RGS6: variants seen among roughly 807,000 people sequenced by gnomAD.
The protein encoded by RGS6 is regulator of G protein signaling 6.
Under a neutral mutation model 78.5 loss-of-function variants are expected in RGS6, and 30 were observed. That is an observed-to-expected ratio of 0.38 (90% CI 0.29 to 0.52). The LOEUF is 0.52. RGS6 is among the 20% of genes least tolerant of loss of function. RGS6 has a pLI of 0.85. For missense variants in RGS6, 495 were observed against 609.7 expected, an observed-to-expected ratio of 0.81 and a Z score of 1.98; for synonymous variants, 206 against 206.0, an observed-to-expected ratio of 1.00 and a Z score of 0.00.
intron 2 of RGS6, among the ~76,000 whole-genome samples, chr14:72,184,412 A>ACACACACAC (rs2097212648): frequency 6.6e-6 from 1 of 150,784 alleles, no homozygotes; most frequent in African/African-American, 2.4e-5. Flanking sequence ...ACACACACAC[A>ACACACACAC]GAAAGAGGGA....
intron 15 of RGS6, among the ~76,000 whole-genome samples, chr14:72,525,742 CCA>C (rs1488160614): frequency 6.6e-6 from 1 of 152,180 alleles, no homozygotes; most frequent in Non-Finnish European, 1.5e-5. Context: ...TATCACAAGA[CCA>C]CACCAAGTTT....
At chr14:72,006,573 G>A in intron 2 of RGS6, among the ~76,000 whole-genome samples, 1 of 152,192 alleles carries the variant, frequency 6.6e-6, no homozygotes, top group East Asian at 1.9e-4. Flanking sequence ...AGTGAGCTTT[G>A]AAGCAGATCC....
At chr14:72,434,030 C>T (rs533506780) in intron 3 of RGS6, among the ~76,000 whole-genome samples, 17 of 152,224 alleles carry the variant, frequency 1.1e-4, no homozygotes, top group Non-Finnish European at 2.2e-4. Context: ...CAAATTCCAA[C>T]GTGTCCGTTA....
At chr14:72,318,833 T>G (rs1025221632) in intron 2 of RGS6, among the ~76,000 whole-genome samples, 4 of 152,138 alleles carry the variant, frequency 2.6e-5, no homozygotes, top group Non-Finnish European at 5.9e-5. Flanking sequence ...GAAAGGGAAA[T>G]GCACAGTCAT....
intron 2 of RGS6, among the ~76,000 whole-genome samples, chr14:72,068,303 T>G (rs2094252027): frequency 6.6e-6 from 1 of 151,380 alleles, no homozygotes; most frequent in African/African-American, 2.4e-5. Flanking sequence ...CCTAGCTAAT[T>G]TTTGTATTTT....
chr14:71,928,156 T>G (rs2087746145), upstream of RGS6, among the ~76,000 whole-genome samples: 8 of 152,168 alleles, frequency 5.3e-5, no homozygotes, highest in Admixed American at 4.6e-4. Context: ...CTGCATCTGG[T>G]TGTTCAAGAC....
the RGS6 span, among the ~76,000 whole-genome samples, chr14:71,915,267 A>G: frequency 7.9e-5 from 12 of 152,072 alleles, no homozygotes; most frequent in Non-Finnish European, 1.6e-4. Context: ...AAAAAAAAAA[A>G]AGAAAAAGTT....
At chr14:72,226,412 G>T (rs578147646) in intron 2 of RGS6, among the ~76,000 whole-genome samples, 1 of 152,270 alleles carries the variant, frequency 6.6e-6, no homozygotes, top group African/African-American at 2.4e-5. Context: ...TATCTAACTA[G>T]CTAAACTGTG....
chr14:72,502,822 T>C (rs914952541), intron 13 of RGS6, among the ~76,000 whole-genome samples: 15 of 152,156 alleles, frequency 9.9e-5, no homozygotes, highest in Admixed American at 5.9e-4. Context: ...CATTGGAGTA[T>C]TCAGGACCCT....
intron 2 of RGS6, among the ~76,000 whole-genome samples, chr14:72,065,127 C>T (rs1021836919): frequency 2.6e-5 from 4 of 152,190 alleles, no homozygotes; most frequent in African/African-American, 9.7e-5. Flanking sequence ...TGAATTGAAA[C>T]TCAAATATAA....
the RGS6 span, among the ~76,000 whole-genome samples, chr14:71,874,294 T>G: frequency 2.6e-5 from 4 of 152,034 alleles, no homozygotes; most frequent in African/African-American, 9.7e-5. Flanking sequence ...TTCTTCCATT[T>G]GTTTGTGTCC....
chr14:72,274,182 G>A (rs1472635196), intron 2 of RGS6, among the ~76,000 whole-genome samples: 1 of 152,162 alleles, frequency 6.6e-6, no homozygotes, highest in African/African-American at 2.4e-5. Context: ...CAGTGACCAG[G>A]ACCACGTACT....
Position 71,932,905 on chromosome 14 carries a change from C to G in RGS6, c.-57C>G, listed in dbSNP as rs1325634944. On this transcript the variant is annotated 5_prime_UTR_variant, in exon 1 of 18. Transcript: ENST00000553525. ...GTTGGCTTTAGGAAAAATTCTGGAGCCAGAGGGAGAGTCAAGGCAATTCTT... is the reference window on the plus strand; with the variant it reads ...GTTGGCTTTAGGAAAAATTCTGGAGGCAGAGGGAGAGTCAAGGCAATTCTT... The G allele has an allele frequency of 1.3e-5, 2 of 152,220 alleles. No individual in the cohort carries two copies. Among genetic ancestry groups the G allele is most frequent in the Admixed American group, 1.3e-4 (2 of 15,280 alleles). 9.4% of individuals were successfully genotyped at this position (152,220 alleles called of 1,614,324 possible). A position where few individuals can be genotyped will look rare whatever the true frequency, so the allele number is the denominator to read the frequency against.
At chr14:72,169,238 A>G (rs1224499981) in intron 2 of RGS6, among the ~76,000 whole-genome samples, 1 of 152,176 alleles carries the variant, frequency 6.6e-6, no homozygotes, top group African/African-American at 2.4e-5. Context: ...TGGAGTAATG[A>G]TGTAGGCTCA....
intron 2 of RGS6, among the ~76,000 whole-genome samples, chr14:72,070,578 C>T (rs977195193): frequency 6.6e-6 from 1 of 152,186 alleles, no homozygotes; most frequent in Non-Finnish European, 1.5e-5. Flanking sequence ...TTTAGCCATC[C>T]TATCTTTGGC....
chr14:72,396,382 G>A (rs1401568648), intron 3 of RGS6, among the ~76,000 whole-genome samples: 2 of 152,232 alleles, frequency 1.3e-5, no homozygotes, highest in African/African-American at 2.4e-5. Context: ...TTTTGATGGG[G>A]TTGTTTGTTT....
intron 2 of RGS6, among the ~76,000 whole-genome samples, chr14:72,265,881 A>G (rs749683729): frequency 7.0e-6 from 1 of 142,890 alleles, no homozygotes; most frequent in African/African-American, 2.6e-5. Flanking sequence ...CCTTTCCCCA[A>G]CAATTTCAGC....
chr14:72,206,766 C>A (rs1045612092), intron 2 of RGS6, among the ~76,000 whole-genome samples: 1 of 152,168 alleles, frequency 6.6e-6, no homozygotes, highest in Non-Finnish European at 1.5e-5. Context: ...TCATCTCCCA[C>A]TGGGTTCCTC....
intron 2 of RGS6, among the ~76,000 whole-genome samples, chr14:72,092,001 C>CTTTTGTTTTGTTTTG (rs10595733): frequency 0.03 from 4,450 of 150,744 alleles, 90 homozygotes; most frequent in East Asian, 0.073. Flanking sequence ...TAGCTTCAGC[C>CTTTTGTTTTGTTTTG]TTTTGTTTTG....
Sources: gnomAD v4.1 joint callset for allele counts (sites outside exome capture counted in the v4.1 genomes callset) on GRCh38, gnomAD v4.1.1 for gene constraint, MANE v1.5 for transcripts, NCBI Gene and HGNC (gene_info 2026-07-23, HGNC 2026-07-21) for gene names.